The following PRORP variants were observed in gnomAD, a reference collection of about 807,000 sequenced individuals.
PRORP encodes the protein mitochondrial ribonuclease P catalytic subunit.
Under a neutral mutation model 59.4 loss-of-function variants are expected in PRORP, and 51 were observed. That is an observed-to-expected ratio of 0.86 (90% CI 0.69 to 1.08). PRORP has a LOEUF of 1.08. PRORP is among the 50% of genes least tolerant of loss of function. The pLI is 0.00. For synonymous variants in PRORP, 231 were observed against 245.6 expected (o/e 0.94, Z 0.55); for missense variants, 646 against 690.3 (o/e 0.94, Z 0.72).
chr14:35,205,942 A>G (rs1228893161), intron 5 of PRORP, among the ~76,000 whole-genome samples: 4 of 152,144 alleles, frequency 2.6e-5, no homozygotes, highest in Non-Finnish European at 5.9e-5. Flanking sequence ...GTTCTCTCTA[A>G]GAAGCTTACT....
At chr14:35,121,865 C>T (rs764713608), upstream of PRORP, 16 of 1,611,976 alleles carry the variant, frequency 9.9e-6, no homozygotes, top group Non-Finnish European at 1.4e-5. Flanking sequence ...AGTTTAGGGC[C>T]GGGCCATCCC....
At chr14:35,187,103 T>C (rs1220279043) in intron 5 of PRORP, among the ~76,000 whole-genome samples, 1 of 152,230 alleles carries the variant, frequency 6.6e-6, no homozygotes, top group East Asian at 1.9e-4. Flanking sequence ...CTATTATGAG[T>C]AATGCTACTA....
intron 5 of PRORP, among the ~76,000 whole-genome samples, chr14:35,252,390 C>T (rs753074577): frequency 6.6e-6 from 1 of 152,312 alleles, no homozygotes; most frequent in Non-Finnish European, 1.5e-5. Flanking sequence ...GCCACTGCTG[C>T]ACTCCAGCCT....
At chr14:35,173,547 G>A (rs193131363) in intron 4 of PRORP, among the ~76,000 whole-genome samples, 7 of 152,080 alleles carry the variant, frequency 4.6e-5, no homozygotes, top group Admixed American at 2.0e-4. Context: ...TCCTTTCTAG[G>A]ATTCCCTGTC....
At chr14:35,235,457 A>G (rs1367792835) in intron 5 of PRORP, 20 of 653,340 alleles carry the variant, frequency 3.1e-5, no homozygotes, top group South Asian at 2.4e-4. Context: ...TTTATGACAC[A>G]AGGCAAGCAG....
intron 5 of PRORP, among the ~76,000 whole-genome samples, chr14:35,261,657 AG>A (rs1243190077): frequency 6.6e-6 from 1 of 151,948 alleles, no homozygotes; most frequent in African/African-American, 2.4e-5. Flanking sequence ...TGAACCCAGG[AG>A]GCGGAGGTTG....
At chr14:35,236,196 CA>C (rs1230970293) in intron 5 of PRORP, among the ~76,000 whole-genome samples, 1 of 151,170 alleles carries the variant, frequency 6.6e-6, no homozygotes, top group East Asian at 1.9e-4. Flanking sequence ...CAGGATTAGA[CA>C]TGTCTCATTC....
At chr14:35,236,278 T>C (rs891745250) in intron 5 of PRORP, among the ~76,000 whole-genome samples, 6 of 152,222 alleles carry the variant, frequency 3.9e-5, no homozygotes, top group African/African-American at 1.4e-4. Flanking sequence ...TTTATCTGTT[T>C]TCTTGAAATA....
intron 4 of PRORP, among the ~76,000 whole-genome samples, chr14:35,165,704 G>A (rs1227092466): frequency 6.6e-6 from 1 of 151,578 alleles, no homozygotes; most frequent in African/African-American, 2.4e-5. Flanking sequence ...TTTGGAGACA[G>A]AGTCTTGCTC....
chr14:35,240,806 A>G (rs138653443), intron 5 of PRORP, among the ~76,000 whole-genome samples: 1,553 of 152,304 alleles, frequency 0.01, 27 homozygotes, highest in African/African-American at 0.035. Flanking sequence ...ATTATCCAAT[A>G]TGGTAGCTAC....
chr14:35,247,016 T>C (rs1420824311), intron 5 of PRORP, among the ~76,000 whole-genome samples: 1 of 152,300 alleles, frequency 6.6e-6, no homozygotes, highest in East Asian at 1.9e-4. Flanking sequence ...ACCCTCATAA[T>C]AACCCAATTA....
intron 4 of PRORP, among the ~76,000 whole-genome samples, chr14:35,146,241 A>G (rs75844838): frequency 0.02 from 2,994 of 152,280 alleles, 100 homozygotes; most frequent in African/African-American, 0.069. Flanking sequence ...TTTCTGGAAA[A>G]GAAAAAAAGG....
At chr14:35,151,982 G>T (rs1307507294) in intron 4 of PRORP, among the ~76,000 whole-genome samples, 2 of 150,528 alleles carry the variant, frequency 1.3e-5, no homozygotes, top group African/African-American at 2.4e-5. Context: ...TCTCGCAGAG[G>T]GGGATTTGGC....
chr14:35,264,242 C>T (rs745689977), intron 5 of PRORP, among the ~76,000 whole-genome samples: 1 of 152,118 alleles, frequency 6.6e-6, no homozygotes. Context: ...ATTCTCCTGC[C>T]TCAGCCTCCC....
intron 5 of PRORP, among the ~76,000 whole-genome samples, chr14:35,223,794 C>T (rs1466249111): frequency 1.3e-5 from 2 of 152,064 alleles, no homozygotes; most frequent in Admixed American, 6.6e-5. Flanking sequence ...TGTTCAGATT[C>T]CAGAGATTGT....
At chr14:35,133,614 G>A (rs1042791265) in intron 4 of PRORP, among the ~76,000 whole-genome samples, 1 of 152,052 alleles carries the variant, frequency 6.6e-6, no homozygotes, top group Non-Finnish European at 1.5e-5. Flanking sequence ...TTTGCAGTCT[G>A]GGCTTGTTTG....
At chr14:35,122,058 G>T, upstream of PRORP, 1 of 1,330,160 alleles carries the variant, frequency 7.5e-7, no homozygotes, top group East Asian at 2.3e-5. Context: ...TAAAGGTTAG[G>T]AAGGCCGTCC....
At chr14:35,230,457 A>G (rs1331277180) in intron 5 of PRORP, among the ~76,000 whole-genome samples, 1 of 152,218 alleles carries the variant, frequency 6.6e-6, no homozygotes, top group Non-Finnish European at 1.5e-5. Flanking sequence ...TATATCTTTG[A>G]GCGGGAGAAA....
At chr14:35,168,222 A>C (rs553387075) in intron 4 of PRORP, among the ~76,000 whole-genome samples, 1 of 152,184 alleles carries the variant, frequency 6.6e-6, no homozygotes, top group African/African-American at 2.4e-5. Flanking sequence ...ACCATCCCGC[A>C]TTCCCATCAG....
Sources: gnomAD v4.1 joint callset for allele counts (sites outside exome capture counted in the v4.1 genomes callset) on GRCh38, gnomAD v4.1.1 for gene constraint, MANE v1.5 for transcripts, NCBI Gene and HGNC (gene_info 2026-07-23, HGNC 2026-07-21) for gene names.